The following ANKRD13B variants were observed in gnomAD, a reference collection of about 807,000 sequenced individuals.
ANKRD13B encodes the protein ankyrin repeat domain 13B.
In ANKRD13B, 33 loss-of-function variants were observed where a neutral mutation model predicts 74.4. The observed-to-expected ratio is 0.44, with a 90% CI of 0.34 to 0.59. The LOEUF (loss-of-function observed/expected upper bound fraction) is 0.59. Ranked by LOEUF, ANKRD13B falls within the 20% of genes least tolerant of loss-of-function variation. ANKRD13B has a pLI of 0.02. For synonymous variants in ANKRD13B, 341 were observed against 362.9 expected (o/e 0.94, Z 0.68); for missense variants, 676 against 877.9 (o/e 0.77, Z 2.91).
intron 1 of ANKRD13B, among the ~76,000 whole-genome samples, chr17:29,597,695 A>G (rs2034001856): frequency 6.6e-6 from 1 of 152,150 alleles, no homozygotes; most frequent in South Asian, 2.1e-4. Context: ...GGCCCAGGGC[A>G]AGGTGCCACT....
At chr17:29,596,203 A>T (rs939530586) in intron 1 of ANKRD13B, among the ~76,000 whole-genome samples, 1 of 152,220 alleles carries the variant, frequency 6.6e-6, no homozygotes, top group Non-Finnish European at 1.5e-5. Flanking sequence ...CTGGCTGAGG[A>T]GGGGGCCAGC....
intron 7 of ANKRD13B, among the ~76,000 whole-genome samples, chr17:29,610,001 G>A (rs1306465540): frequency 6.6e-6 from 1 of 152,070 alleles, no homozygotes; most frequent in East Asian, 1.9e-4. Context: ...GACCAGCCTG[G>A]CTAACATGGT....
intron 1 of ANKRD13B, among the ~76,000 whole-genome samples, chr17:29,601,635 C>T (rs1359349909): frequency 1.3e-5 from 2 of 152,174 alleles, no homozygotes; most frequent in Non-Finnish European, 2.9e-5. Flanking sequence ...TTTAACATTT[C>T]CTGCACATCT....
intron 1 of ANKRD13B, among the ~76,000 whole-genome samples, chr17:29,607,053 A>C (rs200959557): frequency 1.6e-4 from 24 of 151,408 alleles, no homozygotes; most frequent in South Asian, 4.2e-4. Context: ...CCGTCCCCCC[A>C]AAAAAAACAC....
intron 1 of ANKRD13B, 148 bp from the exon 2 acceptor site, chr17:29,607,594 T>C: frequency 3.6e-6 from 4 of 1,104,088 alleles, no homozygotes; most frequent in Non-Finnish European, 5.0e-6. Context: ...GCCCATAGTG[T>C]CTGTCTTTCC....
chr17:29,601,884 AT>A (rs917093702), intron 1 of ANKRD13B, among the ~76,000 whole-genome samples: 3 of 152,148 alleles, frequency 2.0e-5, no homozygotes, highest in African/African-American at 7.2e-5. Flanking sequence ...AGAATATAGT[AT>A]TTCCTGTATC....
At chr17:29,597,408 G>A (rs2033991819) in intron 1 of ANKRD13B, among the ~76,000 whole-genome samples, 1 of 152,148 alleles carries the variant, frequency 6.6e-6, no homozygotes, top group African/African-American at 2.4e-5. Flanking sequence ...GTGTGTATCT[G>A]TATGGTACCA....
intron 1 of ANKRD13B, among the ~76,000 whole-genome samples, chr17:29,596,875 A>G (rs2033973145): frequency 6.6e-6 from 1 of 152,136 alleles, no homozygotes; most frequent in Non-Finnish European, 1.5e-5. Flanking sequence ...GTGTTCTGGG[A>G]TGAGGGGGAG....
intron 14 of ANKRD13B, 194 bp from the exon 15 acceptor site, chr17:29,613,160 C>A: frequency 8.6e-7 from 1 of 1,157,876 alleles, no homozygotes; most frequent in Non-Finnish European, 1.2e-6. Flanking sequence ...AGACTCTCCC[C>A]AGGCATTGAC....
Position 29,609,092 on chromosome 17 carries a change from G to A in ANKRD13B, c.572G>A (p.Ser191Asn). The A allele has an allele frequency of 1.2e-6, 2 of 1,610,594 alleles. No individual in the cohort carries two copies. Among genetic ancestry groups the A allele is most frequent in the Non-Finnish European group, 1.7e-6 (2 of 1,179,530 alleles). Residue 191 changes from serine to asparagine, a missense_variant, in exon 6 of 15, where the codon AGC becomes AAC. This residue lies in a region of ANKRD13B where 328 missense variants were observed against 518.4 expected (regional missense o/e 0.63). Coordinates refer to ENST00000394859, the MANE Select transcript of ANKRD13B (RefSeq NM_152345.5). The surrounding 1 kb of genome is among the most constrained non-coding windows in gnomAD (Gnocchi z 4.0). ...RSFVFRGQDT[S>N]AVVMEIDHDR... ...GCTGTTCCGTGTCTGGCAGACACAA[G>A]CGCCGTGGTCATGGAGATTGACCAC...
At chr17:29,610,824 A>G in intron 8 of ANKRD13B, 58 bp downstream of exon 8, 13 of 1,524,582 alleles carry the variant, frequency 8.5e-6, no homozygotes, top group Non-Finnish European at 1.1e-5. Context: ...ACCAGCTCCC[A>G]CTTCAGTGCT....
At position 29,612,560 on chromosome 17, in the gene ANKRD13B, G is replaced by GC. The variant is rs775434350; in HGVS notation, c.1411+12dup. ...CAGCAGCTCCAGCTCCACGAGTGAG[G>GC]CCCCCCGCGAGAACGCCTGCCCCTC... On this transcript the variant is annotated splice_region_variant and intron_variant, in intron 12 of 14. Coordinates refer to ENST00000394859, the MANE Select transcript of ANKRD13B (RefSeq NM_152345.5). This position sits in a 1 kb window ranked among gnomAD's most constrained non-coding sequence, Gnocchi z 6.1. The GC allele has an allele frequency of 4.8e-4, 573 of 1,184,014 alleles. 5 individuals are homozygous for GC. The highest frequency in any genetic ancestry group is 3.1e-5 in the Non-Finnish European group (29 of 926,654). 73.3% of individuals were successfully genotyped at this position (1,184,014 alleles called of 1,614,324 possible).
chr17:29,603,620 C>T (rs1365072318), intron 1 of ANKRD13B, among the ~76,000 whole-genome samples: 1 of 152,214 alleles, frequency 6.6e-6, no homozygotes, highest in Non-Finnish European at 1.5e-5. Flanking sequence ...TCTTCAAATT[C>T]ACTGATTTTT....
intron 1 of ANKRD13B, among the ~76,000 whole-genome samples, chr17:29,606,922 T>C (rs1487050823): frequency 6.6e-6 from 1 of 150,626 alleles, no homozygotes; most frequent in Admixed American, 6.6e-5. Context: ...TGTTGGCGAA[T>C]GTCTGTAATC....
At chr17:29,603,829 T>A (rs920272433) in intron 1 of ANKRD13B, among the ~76,000 whole-genome samples, 2 of 152,066 alleles carry the variant, frequency 1.3e-5, no homozygotes, top group East Asian at 3.8e-4. Flanking sequence ...TTCTGAGTTT[T>A]GTTTCTATGA....
In ANKRD13B at chr17:29,614,145, T is replaced by TC. The variant is rs2034717037; in HGVS notation, c.*568dup. 1.5e-5 allele frequency: 2 copies of TC among 133,410 alleles called. No individual in the cohort carries two copies. Among genetic ancestry groups the TC allele is most frequent in the South Asian group, 2.4e-4 (1 of 4,200 alleles). The allele number at this position is 133,410 out of a possible 1,614,324, so 8.3% of individuals were successfully genotyped here. A position where few individuals can be genotyped will look rare whatever the true frequency, so the allele number is the denominator to read the frequency against. ...AAGTGCACTTAGCGGGGTACCCGGC[T>TC]CCCCCAGCCCCCACACCCGTCCTGG... is the stretch of plus-strand genomic sequence containing the variant. On this transcript the variant is annotated 3_prime_UTR_variant, in exon 15 of 15. Transcript: ENST00000394859.
In ANKRD13B at chr17:29,608,733, T is replaced by A; in HGVS notation, c.422-118T>A. On this transcript the variant is annotated intron_variant, in intron 4 of 14. Coordinates refer to ENST00000394859, the MANE Select transcript of ANKRD13B (RefSeq NM_152345.5). The surrounding 1 kb of genome is among the most constrained non-coding windows in gnomAD (Gnocchi z 6.4). ...GGGGGTTTTGGAGGAGAGGCTGCTC[T>A]CTCTTCAGTTCCCTCCCCTGTTCCT... 1.5e-6 allele frequency: 2 copies of A among 1,378,530 alleles called. No homozygotes were observed. Among genetic ancestry groups the A allele is most frequent in the Non-Finnish European group, 9.8e-7 (1 of 1,017,304 alleles). The allele number at this position is 1,378,530 out of a possible 1,614,324, so 85.4% of individuals were successfully genotyped here. A position where few individuals can be genotyped will look rare whatever the true frequency, so the allele number is the denominator to read the frequency against.
intron 1 of ANKRD13B, among the ~76,000 whole-genome samples, chr17:29,604,629 C>T (rs1248932831): frequency 6.6e-6 from 1 of 151,888 alleles, no homozygotes; most frequent in African/African-American, 2.4e-5. Flanking sequence ...GCAACCTCCG[C>T]CTCCTGGGTT....
At position 29,609,310 on chromosome 17, in the gene ANKRD13B, G is replaced by A; in HGVS notation, c.755+35G>A. 6.2e-7 allele frequency: 1 copy of A among 1,613,168 alleles called. No homozygotes were observed. Among genetic ancestry groups the A allele is most frequent in the Admixed American group, 1.7e-5 (1 of 59,984 alleles). On this transcript the variant is annotated intron_variant, in intron 6 of 14. Coordinates refer to ENST00000394859, the MANE Select transcript of ANKRD13B (RefSeq NM_152345.5). The surrounding 1 kb of genome is among the most constrained non-coding windows in gnomAD (Gnocchi z 4.0). ...CATGGCCTTGGTCACCCTTGAGCCA[G>A]CCCGGTGGGGTGCCTGCCTCACCTG...
Sources: gnomAD v4.1 joint callset for allele counts (sites outside exome capture counted in the v4.1 genomes callset) on GRCh38, gnomAD v4.1.1 for gene constraint, gnomAD v4.1.1 regional missense constraint, Gnocchi (gnomAD v3.1) non-coding constraint, MANE v1.5 for transcripts, NCBI Gene and HGNC (gene_info 2026-07-23, HGNC 2026-07-21) for gene names.